Variants in PKNOX2 observed in about 807,000 individuals in gnomAD.
PKNOX2 encodes PBX/knotted 1 homeobox 2.
A neutral mutation model predicts 53.1 loss-of-function variants in PKNOX2; 14 were observed. The observed-to-expected ratio is 0.26, with a 90% CI of 0.17 to 0.41. The LOEUF (loss-of-function observed/expected upper bound fraction) is 0.41, where lower values mean the gene tolerates loss of function less well. Among genes scored for constraint, PKNOX2 ranks in the 10% least tolerant of loss-of-function variants. The pLI, the probability that PKNOX2 is intolerant of heterozygous loss-of-function variation, is 1.00. For missense variants in PKNOX2, 496 were observed against 602.8 expected (o/e 0.82, Z 1.85); for synonymous variants, 257 against 242.8 (o/e 1.06, Z -0.54).
At chr11:125,253,611 C>T (rs528273428) in intron 2 of PKNOX2, among the ~76,000 whole-genome samples, 79 of 152,276 alleles carry the variant, frequency 5.2e-4, no homozygotes, top group Non-Finnish European at 9.7e-4. Context: ...GCTGATTTGT[C>T]GTGATTCCTT....
Position 125,286,061 on chromosome 11 carries a change from C to T in PKNOX2, c.-129-45758C>T, listed in dbSNP as rs182467507. 1.3e-4 allele frequency among the ~76,000 whole-genome samples: 20 copies of T among 152,220 alleles called. No individual in the cohort carries two copies. In the East Asian group the frequency reaches 2.3e-3, roughly 18 times the overall value. The stretch of plus-strand genomic sequence containing the variant: ...TGGTGTGTAGGGCGTAAGTGAGAGA[C>T]GGGGCAGTGTGAGGCTGCATGAAGG... On this transcript the variant is annotated intron_variant, in intron 2 of 12. Coordinates refer to ENST00000298282, the MANE Select transcript of PKNOX2 (RefSeq NM_001382323.2).
chr11:125,298,339 G>T (rs1947799033), intron 2 of PKNOX2, among the ~76,000 whole-genome samples: 1 of 152,188 alleles, frequency 6.6e-6, no homozygotes, highest in Non-Finnish European at 1.5e-5. Context: ...CGTCACCAGG[G>T]ATAGAGGCCC....
intron 2 of PKNOX2, among the ~76,000 whole-genome samples, chr11:125,308,993 T>G (rs879331160): frequency 2.0e-5 from 3 of 152,214 alleles, no homozygotes; most frequent in Non-Finnish European, 2.9e-5. Context: ...CCTCCACAGA[T>G]GCACTCCATA....
intron 6 of PKNOX2, among the ~76,000 whole-genome samples, chr11:125,391,017 G>A (rs1463637139): frequency 6.6e-6 from 1 of 152,182 alleles, no homozygotes; most frequent in Admixed American, 6.5e-5. Context: ...GCATTGGCAG[G>A]CACAGTGACC....
intron 10 of PKNOX2, among the ~76,000 whole-genome samples, chr11:125,420,334 T>A (rs577511859): frequency 6.6e-6 from 1 of 151,724 alleles, no homozygotes; most frequent in Admixed American, 6.6e-5. Flanking sequence ...GAGACCATCC[T>A]GGCTAACACG....
At chr11:125,220,534 A>T (rs1941028943) in intron 1 of PKNOX2, among the ~76,000 whole-genome samples, 1 of 152,116 alleles carries the variant, frequency 6.6e-6, no homozygotes, top group Non-Finnish European at 1.5e-5. Context: ...ACCTGGTGGA[A>T]GATGCCACCA....
chr11:125,195,400 A>G (rs1250492091), intron 1 of PKNOX2, among the ~76,000 whole-genome samples: 2 of 152,128 alleles, frequency 1.3e-5, no homozygotes, highest in Non-Finnish European at 2.9e-5. Flanking sequence ...GTTTTTAGGA[A>G]CATGAGGATG....
chr11:125,407,516 A>C (rs567106506), intron 7 of PKNOX2, among the ~76,000 whole-genome samples: 75 of 152,344 alleles, frequency 4.9e-4, no homozygotes, highest in African/African-American at 1.7e-3. Flanking sequence ...GAAGAGGCAC[A>C]GGCTAGCATG....
At chr11:125,343,727 C>T (rs184063768) in intron 3 of PKNOX2, among the ~76,000 whole-genome samples, 1 of 152,236 alleles carries the variant, frequency 6.6e-6, no homozygotes, top group African/African-American at 2.4e-5. Flanking sequence ...GCAGGGAGGG[C>T]GGTGGGGCTC....
rs111938311 is a variant in PKNOX2, at chr11:125,334,895, C to T, written c.-23+2970C>T. On this transcript the variant is annotated intron_variant, in intron 3 of 12. Transcript: ENST00000298282. ...CTGTGATTACAGGCATGAGCCACTG[C>T]GCCCAGACACTTAAGTTTTCTTACC... Among the ~76,000 whole-genome samples the T allele has an allele frequency of 5.8e-3, 877 of 152,220 alleles. 12 individuals are homozygous for T. Among genetic ancestry groups the T allele is most frequent in the African/African-American group, 0.019 (808 of 41,526 alleles).
At chr11:125,355,813 C>CCGT (rs1219882299) in intron 4 of PKNOX2, among the ~76,000 whole-genome samples, 2 of 152,156 alleles carry the variant, frequency 1.3e-5, no homozygotes, top group Non-Finnish European at 2.9e-5. Flanking sequence ...CACAACCACC[C>CCGT]CGTCACTCCT....
In PKNOX2 at chr11:125,165,893, G is replaced by A. The variant is rs1954833316; in HGVS notation, c.-201+1117G>A. ...AGTTTGCATTTCTTTCGGGTTAGGA[G>A]ACGGGCTTTCCTGGCTCCCGATCCC... On this transcript the variant is annotated intron_variant, in intron 1 of 12. Transcript: ENST00000298282. The surrounding 1 kb of genome is among the most constrained non-coding windows in gnomAD (Gnocchi z 4.5). Among the ~76,000 whole-genome samples, 1 of 152,220 alleles carries A rather than the reference G, an allele frequency of 6.6e-6. No individual in the cohort carries two copies. The highest frequency in any genetic ancestry group is 1.5e-5 in the Non-Finnish European group (1 of 68,044).
intron 4 of PKNOX2, among the ~76,000 whole-genome samples, chr11:125,360,441 A>T (rs145320054): frequency 2.6e-5 from 4 of 152,342 alleles, no homozygotes; most frequent in Non-Finnish European, 5.9e-5. Context: ...ATGGTCTCGC[A>T]GTAGCCCTGG....
At chr11:125,336,121 G>A (rs1950421377) in intron 3 of PKNOX2, among the ~76,000 whole-genome samples, 1 of 152,056 alleles carries the variant, frequency 6.6e-6, no homozygotes, top group Non-Finnish European at 1.5e-5. Context: ...CTATTATATA[G>A]ATGCATAATT....
intron 2 of PKNOX2, among the ~76,000 whole-genome samples, chr11:125,303,169 G>A (rs544519508): frequency 1.3e-5 from 2 of 152,290 alleles, no homozygotes; most frequent in East Asian, 1.9e-4. Context: ...TGGGACCCCA[G>A]GCCACAGAAA....
chr11:125,282,105 G>T (rs547716060), intron 2 of PKNOX2, among the ~76,000 whole-genome samples: 1 of 152,308 alleles, frequency 6.6e-6, no homozygotes, highest in Admixed American at 6.5e-5. Flanking sequence ...CCACTGCTCA[G>T]CTTGTCAGAT....
intron 1 of PKNOX2, among the ~76,000 whole-genome samples, chr11:125,194,134 C>T (rs1238397522): frequency 1.3e-5 from 2 of 152,186 alleles, no homozygotes; most frequent in Non-Finnish European, 2.9e-5. Context: ...AGCCCTTCCT[C>T]CCTGGTCTCT....
intron 2 of PKNOX2, among the ~76,000 whole-genome samples, chr11:125,260,977 C>T (rs2135731347): frequency 6.6e-6 from 1 of 152,278 alleles, no homozygotes; most frequent in African/African-American, 2.4e-5. Flanking sequence ...AAGCATCTCA[C>T]CTTCCTGGGC....
At chr11:125,341,132 C>A (rs1409951253) in intron 3 of PKNOX2, among the ~76,000 whole-genome samples, 1 of 150,244 alleles carries the variant, frequency 6.7e-6, no homozygotes, top group Non-Finnish European at 1.5e-5. Context: ...AAGGCCGAGG[C>A]AGGCAGATCA....
Sources: gnomAD v4.1 joint callset for allele counts (sites outside exome capture counted in the v4.1 genomes callset) on GRCh38, gnomAD v4.1.1 for gene constraint, Gnocchi (gnomAD v3.1) non-coding constraint, MANE v1.5 for transcripts, NCBI Gene and HGNC (gene_info 2026-07-23, HGNC 2026-07-21) for gene names.